The following DPYSL2 variants were observed in gnomAD, a reference collection of about 807,000 sequenced individuals.
The protein encoded by DPYSL2 is dihydropyrimidinase like 2.
Under a neutral mutation model 69.9 loss-of-function variants are expected in DPYSL2, and 13 were observed. That is an observed-to-expected ratio of 0.19 (90% CI 0.12 to 0.30). The LOEUF (loss-of-function observed/expected upper bound fraction) is 0.30. Among genes scored for constraint, DPYSL2 ranks in the 10% least tolerant of loss-of-function variants. DPYSL2 has a pLI of 1.00. For missense variants in DPYSL2, 587 were observed against 918.9 expected, an observed-to-expected ratio of 0.64 and a Z score of 4.67; for synonymous variants, 326 against 359.1, an observed-to-expected ratio of 0.91 and a Z score of 1.04.
At chr8:26,528,221 G>A (rs190209859) in intron 1 of DPYSL2, among the ~76,000 whole-genome samples, 3 of 152,226 alleles carry the variant, frequency 2.0e-5, no homozygotes, top group African/African-American at 7.2e-5. Flanking sequence ...CTTCCTGCAC[G>A]GTCCCTTTCC....
intron 1 of DPYSL2, among the ~76,000 whole-genome samples, chr8:26,572,923 G>C (rs1307865425): frequency 6.6e-6 from 1 of 152,210 alleles, no homozygotes; most frequent in South Asian, 2.1e-4. Context: ...GGTTTACTGC[G>C]ATGAATGGGA....
At chr8:26,612,675 G>A (rs888628829) in intron 3 of DPYSL2, among the ~76,000 whole-genome samples, 2 of 152,242 alleles carry the variant, frequency 1.3e-5, no homozygotes, top group Non-Finnish European at 2.9e-5. Flanking sequence ...TTTTTCTCAT[G>A]CACATTAGGT....
chr8:26,633,914 C>T (rs114968570), intron 7 of DPYSL2, among the ~76,000 whole-genome samples: 153 of 152,356 alleles, frequency 1.0e-3, no homozygotes, highest in Middle Eastern at 3.4e-3. Flanking sequence ...GGGCCCACTC[C>T]GTTCCTAGAG....
In DPYSL2 at chr8:26,560,364, CTATT is replaced by C. The variant is rs1219651870; in HGVS notation, c.355-21602_355-21599del. ...AAAGGATTTATTTTCACTTTATTCT[CTATT>C]TAAGATAACATTTAGCTTTTATTAC... On this transcript the variant is annotated intron_variant, in intron 1 of 13. Transcript: ENST00000521913. The surrounding 1 kb of genome is among the most constrained non-coding windows in gnomAD (Gnocchi z 4.4). Among the ~76,000 whole-genome samples, 2 of 152,206 alleles carry C rather than the reference CTATT, an allele frequency of 1.3e-5. No homozygotes were observed. Among genetic ancestry groups the C allele is most frequent in the Non-Finnish European group, 2.9e-5 (2 of 68,040 alleles).
chr8:26,520,622 A>G (rs942936391), intron 1 of DPYSL2, among the ~76,000 whole-genome samples: 6 of 152,186 alleles, frequency 3.9e-5, no homozygotes, highest in African/African-American at 1.4e-4. Flanking sequence ...ACAAAAGCCA[A>G]CTGTGATAGT....
rs368393366 is a variant in DPYSL2, at chr8:26,643,656, G to A, written c.1283+61G>A. The A allele has an allele frequency of 1.2e-6, 2 of 1,610,530 alleles. No homozygotes were observed. The highest frequency in any genetic ancestry group is 2.2e-5 in the East Asian group (1 of 44,862). ...GTCTTTCTTCAGACCAGACTGACCT[G>A]TTAGGCGAAAACAACATGGTGGCCA... On this transcript the variant is annotated intron_variant, in intron 9 of 13. Transcript: ENST00000521913. The surrounding 1 kb of genome is among the most constrained non-coding windows in gnomAD (Gnocchi z 6.5).
Position 26,514,771 on chromosome 8 carries a change from C to A in DPYSL2, c.354+92C>A. The A allele has an allele frequency of 8.9e-7, 1 of 1,121,618 alleles. No homozygotes were observed. The highest frequency in any genetic ancestry group is 1.2e-6 in the Non-Finnish European group (1 of 848,004). 69.5% of individuals were successfully genotyped at this position (1,121,618 alleles called of 1,614,324 possible). On this transcript the variant is annotated intron_variant, in intron 1 of 13. Coordinates refer to ENST00000521913, the MANE Select transcript of DPYSL2 (RefSeq NM_001197293.3). The surrounding 1 kb of genome is among the most constrained non-coding windows in gnomAD (Gnocchi z 8.4). The stretch of plus-strand genomic sequence containing the variant: ...AGCCCGGCGCGCCCGCCTTCATGCC[C>A]CGCCCTGGACCTCGCCTCCCGCATC...
chr8:26,559,978 C>T (rs983290647), intron 1 of DPYSL2, among the ~76,000 whole-genome samples: 1 of 152,220 alleles, frequency 6.6e-6, no homozygotes, highest in Non-Finnish European at 1.5e-5. Context: ...GACCACGTTC[C>T]CATCTCATTA....
intron 1 of DPYSL2, chr8:26,578,054 G>A: frequency 6.9e-7 from 1 of 1,453,948 alleles, no homozygotes. Context: ...TGTTGGAGGA[G>A]AGGAAGAAAG....
Position 26,634,674 on chromosome 8 carries a change from C to G in DPYSL2, c.1006-106C>G. On this transcript the variant is annotated intron_variant, in intron 7 of 13. Coordinates refer to ENST00000521913, the MANE Select transcript of DPYSL2 (RefSeq NM_001197293.3). ...GTCCCCTGGGGTAGGACCTTGGAGACCAGCAGCCTCGCCTTCATCTTAGCC... is the reference window on the plus strand; with the variant it reads ...GTCCCCTGGGGTAGGACCTTGGAGAGCAGCAGCCTCGCCTTCATCTTAGCC... 2.5e-6 allele frequency: 4 copies of G among 1,579,332 alleles called. No individual in the cohort carries two copies. In the South Asian group the frequency reaches 4.7e-5, roughly 18 times the overall value.
At chr8:26,631,443 C>T (rs183742055) in intron 7 of DPYSL2, among the ~76,000 whole-genome samples, 1 of 152,244 alleles carries the variant, frequency 6.6e-6, no homozygotes, top group Non-Finnish European at 1.5e-5. Flanking sequence ...GAAACCTTCC[C>T]CATAATCCAG....
intron 1 of DPYSL2, among the ~76,000 whole-genome samples, 173 bp from the exon 2 acceptor site, chr8:26,581,796 G>A (rs549350635): frequency 6.6e-6 from 1 of 152,102 alleles, no homozygotes; most frequent in Non-Finnish European, 1.5e-5. Context: ...GACTCATCAG[G>A]TGATGAATAG....
At chr8:26,532,632 T>A (rs1468640448) in intron 1 of DPYSL2, among the ~76,000 whole-genome samples, 1 of 152,230 alleles carries the variant, frequency 6.6e-6, no homozygotes, top group Non-Finnish European at 1.5e-5. Flanking sequence ...TATGTGGTCT[T>A]TTGTGACTGG....
chr8:26,578,484 T>C, intron 1 of DPYSL2: 1 of 1,447,992 alleles, frequency 6.9e-7, no homozygotes, highest in South Asian at 1.5e-5. Context: ...AGAAGTCGCA[T>C]CGTTTGCAAG....
chr8:26,531,775 G>T (rs565054967), intron 1 of DPYSL2, among the ~76,000 whole-genome samples: 1 of 151,938 alleles, frequency 6.6e-6, no homozygotes, highest in Non-Finnish European at 1.5e-5. Flanking sequence ...GTACATGATG[G>T]TCAGCAGTAT....
intron 1 of DPYSL2, among the ~76,000 whole-genome samples, chr8:26,538,869 C>A (rs59239463): frequency 0.028 from 4,231 of 152,266 alleles, 204 homozygotes; most frequent in African/African-American, 0.095. Flanking sequence ...GACCACTGGG[C>A]CCCAGTAGCC....
intron 1 of DPYSL2, among the ~76,000 whole-genome samples, chr8:26,524,126 A>G (rs1808437123): frequency 6.6e-6 from 1 of 152,352 alleles, no homozygotes; most frequent in Admixed American, 6.5e-5. Flanking sequence ...ACCATTTGAC[A>G]TTCCCAACAA....
At chr8:26,594,385 C>T (rs1326460736) in intron 3 of DPYSL2, among the ~76,000 whole-genome samples, 1 of 151,998 alleles carries the variant, frequency 6.6e-6, no homozygotes, top group African/African-American at 2.4e-5. Flanking sequence ...TCTAGCATGA[C>T]CTGGGATAGG....
intron 8 of DPYSL2, among the ~76,000 whole-genome samples, chr8:26,638,335 T>C (rs566950884): frequency 1.3e-4 from 20 of 152,300 alleles, no homozygotes; most frequent in Non-Finnish European, 2.4e-4. Flanking sequence ...TTGCTATAAA[T>C]GTGAGCTTTG....
Sources: allele counts gnomAD v4.1 joint callset (sites outside exome capture counted in the v4.1 genomes callset), GRCh38; gene constraint gnomAD v4.1.1; non-coding constraint Gnocchi (gnomAD v3.1); transcripts MANE v1.5; gene names NCBI Gene and HGNC (gene_info 2026-07-23, HGNC 2026-07-21).